TPTE: variants seen among roughly 807,000 people sequenced by gnomAD.
The protein encoded by TPTE is transmembrane phosphatase with tensin homology.
In TPTE, 59 loss-of-function variants were observed where a neutral mutation model predicts 84.1. That is an observed-to-expected ratio of 0.70 (90% CI 0.57 to 0.87). The LOEUF (loss-of-function observed/expected upper bound fraction) is 0.87. Ranked by LOEUF, TPTE falls within the 40% of genes least tolerant of loss-of-function variation. The pLI, the probability that TPTE is intolerant of heterozygous loss-of-function variation, is 0.00. For synonymous variants in TPTE, 130 were observed against 223.5 expected, an observed-to-expected ratio of 0.58 and a Z score of 3.73; for missense variants, 382 against 659.6, an observed-to-expected ratio of 0.58 and a Z score of 4.61.
Position 10,525,684 on chromosome 21 carries a change from G to C in TPTE, c.-102+996G>C, listed in dbSNP as rs1180646098. On this transcript the variant is annotated intron_variant, in intron 2 of 23. Transcript: ENST00000618007. ...CAAAAAGCATTTAAGAATTCTGCAT[G>C]ACCACTTCAGTTTAGGACGGTTTGC... 1.3e-4 allele frequency among the ~76,000 whole-genome samples: 20 copies of C among 152,420 alleles called. No individual in the cohort carries two copies. In the South Asian group the frequency reaches 3.9e-3, roughly 30 times the overall value.
intron 7 of TPTE, among the ~76,000 whole-genome samples, chr21:10,545,214 G>T (rs1031150819): frequency 1.3e-5 from 2 of 151,186 alleles, no homozygotes; most frequent in Non-Finnish European, 2.9e-5. Context: ...AGAGAAAGAA[G>T]AGAGGCATAT....
chr21:10,558,160 G>A (rs1299418335), intron 8 of TPTE, among the ~76,000 whole-genome samples: 3 of 152,278 alleles, frequency 2.0e-5, no homozygotes, highest in South Asian at 2.1e-4. Flanking sequence ...TGTCATTGAT[G>A]GGTACCTAGG....
At chr21:10,541,583 C>A (rs2074370576) in intron 5 of TPTE, among the ~76,000 whole-genome samples, 1 of 152,306 alleles carries the variant, frequency 6.6e-6, no homozygotes, top group South Asian at 2.1e-4. Context: ...TACAGTGTTT[C>A]TTTGACACAG....
chr21:10,554,545 T>C (rs2074641309), intron 8 of TPTE, among the ~76,000 whole-genome samples: 1 of 152,310 alleles, frequency 6.6e-6, no homozygotes. Flanking sequence ...TTTCTGTCTT[T>C]GGACTGAAAA....
chr21:10,576,838 CATATATATATATATATAT>C (rs56285862), intron 14 of TPTE, among the ~76,000 whole-genome samples: 2,489 of 136,118 alleles, frequency 0.018, no homozygotes, highest in African/African-American at 0.026. Flanking sequence ...TACATATATA[CATATATATATATATATAT>C]ATATATATAT....
intron 17 of TPTE, among the ~76,000 whole-genome samples, chr21:10,582,146 G>C (rs527850380): frequency 6.6e-6 from 1 of 152,312 alleles, no homozygotes; most frequent in Non-Finnish European, 1.5e-5. Context: ...ATGTAGTAAA[G>C]ATATTCCACA....
chr21:10,568,885 G>A (rs529545937), intron 11 of TPTE, among the ~76,000 whole-genome samples: 37 of 152,320 alleles, frequency 2.4e-4, no homozygotes, highest in African/African-American at 8.7e-4. Flanking sequence ...TGGTTCTGAT[G>A]GTAGGGGAGA....
rs558210480 is a variant in TPTE at position 10,538,955 on chromosome 21, T to C, written c.11+221T>C. ...TTTGTGGAGTTTATTCTGGGAAGCC[T>C]GCGTGGCCATAGAGAGTGGTTTTTA... On this transcript the variant is annotated intron_variant, in intron 4 of 23. Coordinates refer to ENST00000618007, the MANE Select transcript of TPTE (RefSeq NM_199261.4). Among the ~76,000 whole-genome samples the C allele has an allele frequency of 2.0e-5, 3 of 152,424 alleles. No individual in the cohort carries two copies. The South Asian group carries it at 6.2e-4, about 32-fold the overall frequency.
At chr21:10,551,518 C>G (rs1324170810) in intron 7 of TPTE, among the ~76,000 whole-genome samples, 1 of 152,292 alleles carries the variant, frequency 6.6e-6, no homozygotes, top group Non-Finnish European at 1.5e-5. Flanking sequence ...AATTCTACCT[C>G]AAGAAACTAG....
intron 10 of TPTE, among the ~76,000 whole-genome samples, chr21:10,566,474 C>T (rs1161029887): frequency 1.3e-5 from 2 of 152,428 alleles, no homozygotes; most frequent in Admixed American, 1.3e-4. Flanking sequence ...AAAAATAGAA[C>T]TACCATATGA....
intron 19 of TPTE, among the ~76,000 whole-genome samples, chr21:10,594,891 T>C (rs1163833359): frequency 6.6e-6 from 1 of 152,310 alleles, no homozygotes; most frequent in Non-Finnish European, 1.5e-5. Flanking sequence ...TGGGCCATTC[T>C]ACTGAGTGCA....
chr21:10,568,766 T>G (rs1487616523), intron 11 of TPTE, among the ~76,000 whole-genome samples: 1 of 152,310 alleles, frequency 6.6e-6, no homozygotes, highest in Non-Finnish European at 1.5e-5. Context: ...TGAATCAGTA[T>G]CTCTGGGACC....
intron 7 of TPTE, among the ~76,000 whole-genome samples, chr21:10,547,273 C>A (rs2074485911): frequency 6.6e-6 from 1 of 152,312 alleles, no homozygotes; most frequent in South Asian, 2.1e-4. Flanking sequence ...ATTAGAGTAT[C>A]AAAGGGATAG....
chr21:10,526,549 A>G (rs2074082599), intron 2 of TPTE, among the ~76,000 whole-genome samples: 1 of 152,312 alleles, frequency 6.6e-6, no homozygotes, highest in Admixed American at 6.5e-5. Context: ...AGCAGCAAAA[A>G]AATGTATGTG....
chr21:10,591,137 A>T (rs1302384191), intron 18 of TPTE, among the ~76,000 whole-genome samples: 2 of 152,312 alleles, frequency 1.3e-5, no homozygotes, highest in Non-Finnish European at 2.9e-5. Context: ...CCTGAATGTA[A>T]ATATCTTTGC....
At chr21:10,528,370 C>G (rs469943) in intron 3 of TPTE, among the ~76,000 whole-genome samples, 2 of 152,040 alleles carry the variant, frequency 1.3e-5, no homozygotes, top group Non-Finnish European at 2.9e-5. Flanking sequence ...GAAATTCAGT[C>G]TCAGAATTAT....
intron 3 of TPTE, among the ~76,000 whole-genome samples, chr21:10,532,279 A>G (rs1257774784): frequency 1.3e-5 from 2 of 152,306 alleles, no homozygotes; most frequent in African/African-American, 2.4e-5. Context: ...TTTCCATTCC[A>G]TCTAAGTTTT....
intron 19 of TPTE, among the ~76,000 whole-genome samples, chr21:10,592,770 C>T (rs1356595934): frequency 1.3e-5 from 2 of 152,086 alleles, no homozygotes; most frequent in South Asian, 2.1e-4. Flanking sequence ...TCAACCCTTG[C>T]AGAACATCAC....
chr21:10,537,237 G>A (rs867900652), intron 3 of TPTE, among the ~76,000 whole-genome samples: 21 of 152,412 alleles, frequency 1.4e-4, no homozygotes, highest in African/African-American at 4.6e-4. Flanking sequence ...ACTAAACATC[G>A]CTTGTGAGTA....
Sources: allele counts gnomAD v4.1 joint callset (sites outside exome capture counted in the v4.1 genomes callset), GRCh38; gene constraint gnomAD v4.1.1; transcripts MANE v1.5; gene names NCBI Gene and HGNC (gene_info 2026-07-23, HGNC 2026-07-21).